NLRP5: variants seen among roughly 807,000 people sequenced by gnomAD.
NLRP5 encodes NACHT, LRR and PYD domains-containing protein 5.
A neutral mutation model predicts 113.1 loss-of-function variants in NLRP5; 93 were observed. The ratio of observed to expected loss-of-function variants is 0.82; its 90% CI spans 0.70 to 0.98. The LOEUF (loss-of-function observed/expected upper bound fraction) is 0.98, where lower values mean the gene tolerates loss of function less well. Among genes scored for constraint, NLRP5 ranks in the 50% least tolerant of loss-of-function variants. The probability of loss-of-function intolerance (pLI) is 0.00; values close to 1 mark genes in which losing one functional copy is unlikely to be tolerated. For synonymous variants in NLRP5, 751 were observed against 600.7 expected, an observed-to-expected ratio of 1.25 and a Z score of -3.66; for missense variants, 1,808 against 1,514.3, an observed-to-expected ratio of 1.19 and a Z score of -3.22.
chr19:55,987,262 A>C, the NLRP5 span, among the ~76,000 whole-genome samples: 2 of 152,300 alleles, frequency 1.3e-5, no homozygotes, highest in South Asian at 4.1e-4. Flanking sequence ...CCCACCTTCT[A>C]GGGAGGCTGA....
At chr19:55,987,770 C>T in the NLRP5 span, 1 of 1,449,730 alleles carries the variant, frequency 6.9e-7, no homozygotes. Flanking sequence ...CACTCATCCT[C>T]AGAAAATAAC....
chr19:56,023,688 A>G (rs1461631694), intron 6 of NLRP5, among the ~76,000 whole-genome samples: 2 of 152,168 alleles, frequency 1.3e-5, no homozygotes, highest in Non-Finnish European at 1.5e-5. Flanking sequence ...CTTAAACTAC[A>G]TGGGAGGATG....
intron 6 of NLRP5, among the ~76,000 whole-genome samples, chr19:56,021,092 G>A (rs755342128): frequency 1.3e-5 from 2 of 151,870 alleles, no homozygotes; most frequent in East Asian, 1.9e-4. Flanking sequence ...GGTCGGTCTC[G>A]CACTCCTGAT....
At chr19:56,009,132 A>T (rs892801600) in intron 3 of NLRP5, among the ~76,000 whole-genome samples, 1 of 151,942 alleles carries the variant, frequency 6.6e-6, no homozygotes, top group African/African-American at 2.4e-5. Context: ...TGAGGTCAGG[A>T]GTTCAAGACC....
chr19:56,006,533 A>G (rs1981920053), intron 2 of NLRP5, among the ~76,000 whole-genome samples: 1 of 151,812 alleles, frequency 6.6e-6, no homozygotes, highest in Non-Finnish European at 1.5e-5. Context: ...GGAGTTTGAG[A>G]CCAGCCTGGC....
At chr19:56,012,999 C>T (rs34233636) in intron 3 of NLRP5, among the ~76,000 whole-genome samples, 49,432 of 151,848 alleles carry the variant, frequency 0.33, 8,262 homozygotes, top group Non-Finnish European at 0.37. Context: ...ATCACTGCTA[C>T]CTAATTTCAG....
chr19:56,036,085 A>G (rs1200486451), intron 9 of NLRP5, among the ~76,000 whole-genome samples: 7 of 73,128 alleles, frequency 9.6e-5, no homozygotes, highest in Non-Finnish European at 1.6e-4. Flanking sequence ...TTTTTTGGAG[A>G]CAGAGTCTTG....
intron 1 of NLRP5, 156 bp from the exon 2 acceptor site, chr19:56,003,580 A>C: frequency 1.2e-6 from 1 of 843,774 alleles, no homozygotes; most frequent in Non-Finnish European, 1.8e-6. Flanking sequence ...ACTGATGTCT[A>C]GTAATAGGAT....
chr19:56,002,915 G>T (rs978586872), intron 1 of NLRP5, among the ~76,000 whole-genome samples: 1 of 152,016 alleles, frequency 6.6e-6, no homozygotes, highest in Non-Finnish European at 1.5e-5. Flanking sequence ...GAATAGTGCC[G>T]CTATAAACTA....
chr19:56,028,188 T>C lies in NLRP5; in HGVS notation c.1955T>C (p.Leu652Pro). 6.2e-7 allele frequency: 1 copy of C among 1,614,008 alleles called. No individual in the cohort carries two copies. The highest frequency in any genetic ancestry group is 8.5e-7 in the Non-Finnish European group (1 of 1,179,894). The change falls in exon 7 of 15, where the codon CTG (leucine) becomes CCG (proline). Residue 652 changes from leucine to proline, a missense_variant. Coordinates refer to ENST00000390649, the MANE Select transcript of NLRP5 (RefSeq NM_153447.4). ...GACGTAAGGAGGCCACTGGAGGTCC[T>C]GCTGGGCTGTCCCGTTCCCCTGGGG...
intron 11 of NLRP5, among the ~76,000 whole-genome samples, chr19:56,044,413 C>A (rs575842624): frequency 6.6e-6 from 1 of 152,140 alleles, no homozygotes. Flanking sequence ...GATGAGGATC[C>A]GGTTTCATTC....
At position 56,027,742 on chromosome 19, in the gene NLRP5, C is replaced by T. The variant is rs200383789; in HGVS notation, c.1509C>T (p.Ala503=). 68 of 1,613,882 alleles carry T rather than the reference C, an allele frequency of 4.2e-5. No individual in the cohort carries two copies. The highest frequency in any genetic ancestry group is 2.8e-4 in the Admixed American group (17 of 59,998). ...ACCAAACGCTCACAGGCCTGCACGCCGCTTTTGTGTTTCATCAGCTCACCC... is the reference window on the plus strand; with the variant it reads ...ACCAAACGCTCACAGGCCTGCACGCTGCTTTTGTGTTTCATCAGCTCACCC... The change falls in exon 7 of 15, where the codon GCC becomes GCT. Residue 503 remains alanine, a synonymous_variant. Coordinates refer to ENST00000390649, the MANE Select transcript of NLRP5 (RefSeq NM_153447.4).
chr19:56,030,530 G>A (rs537484011), intron 7 of NLRP5, among the ~76,000 whole-genome samples: 8 of 152,150 alleles, frequency 5.3e-5, no homozygotes, highest in South Asian at 2.1e-4. Context: ...CAGCTTGCCC[G>A]TTACTTTGTT....
chr19:55,989,441 C>T, the NLRP5 span, among the ~76,000 whole-genome samples: 16 of 152,198 alleles, frequency 1.1e-4, no homozygotes, highest in East Asian at 2.9e-3. Context: ...TTAGTAGAGA[C>T]GGGGTTTCCC....
At chr19:56,005,458 T>TAC (rs372007561) in intron 2 of NLRP5, among the ~76,000 whole-genome samples, 9,631 of 134,338 alleles carry the variant, frequency 0.072, 516 homozygotes, top group East Asian at 0.19. Context: ...TATTTTTATA[T>TAC]ACACACACAC....
intron 6 of NLRP5, among the ~76,000 whole-genome samples, chr19:56,023,046 A>C (rs1030374102): frequency 3.9e-5 from 6 of 152,140 alleles, no homozygotes; most frequent in Admixed American, 3.9e-4. Context: ...TGAGTTTTTG[A>C]TGCTTTGAAT....
chr19:56,058,865 C>A (rs1336293394), intron 14 of NLRP5, among the ~76,000 whole-genome samples: 2 of 152,092 alleles, frequency 1.3e-5, no homozygotes, highest in Non-Finnish European at 2.9e-5. Flanking sequence ...TGGTGTATAC[C>A]AACAATGGAA....
chr19:56,035,647 A>G (rs1983282853), intron 9 of NLRP5, among the ~76,000 whole-genome samples: 1 of 152,194 alleles, frequency 6.6e-6, no homozygotes, highest in African/African-American at 2.4e-5. Context: ...TCATAACTCA[A>G]CTAATGAATT....
rs561532360 is a variant in NLRP5, at chr19:56,035,719, G to A, written c.2615+2010G>A. ...CTCTTCTCTTCACTCCTGTATTCCC[G>A]GAACCTAGAACTGCTCTTTTCCTGA... On this transcript the variant is annotated intron_variant, in intron 9 of 14. Coordinates refer to ENST00000390649, the MANE Select transcript of NLRP5 (RefSeq NM_153447.4). 3.3e-5 allele frequency among the ~76,000 whole-genome samples: 5 copies of A among 152,180 alleles called. No homozygotes were observed. The South Asian group carries it at 6.2e-4, about 19-fold the overall frequency.
Sources: allele counts gnomAD v4.1 joint callset (sites outside exome capture counted in the v4.1 genomes callset), GRCh38; gene constraint gnomAD v4.1.1; transcripts MANE v1.5; gene names NCBI Gene and HGNC (gene_info 2026-07-23, HGNC 2026-07-21).